Variants in SLAMF9 observed in about 807,000 individuals in gnomAD.
SLAMF9 encodes the protein SLAM family member 9.
A neutral mutation model predicts 30.4 loss-of-function variants in SLAMF9; 25 were observed. That is an observed-to-expected ratio of 0.82 (90% CI 0.60 to 1.15). The LOEUF (loss-of-function observed/expected upper bound fraction) is 1.15, where lower values mean the gene tolerates loss of function less well. Among genes scored for constraint, SLAMF9 ranks in the 50% most tolerant of loss-of-function variants. The probability of loss-of-function intolerance (pLI) is 0.00; values close to 1 mark genes in which losing one functional copy is unlikely to be tolerated. For missense variants in SLAMF9, 344 were observed against 346.1 expected (o/e 0.99, Z 0.05); for synonymous variants, 129 against 127.2 (o/e 1.01, Z -0.09).
the SLAMF9 span, among the ~76,000 whole-genome samples, chr1:159,982,205 A>C: frequency 1.3e-5 from 2 of 152,188 alleles, no homozygotes; most frequent in Non-Finnish European, 2.9e-5. Context: ...GTTTACTTAC[A>C]AGATAAATTA....
the SLAMF9 span, among the ~76,000 whole-genome samples, chr1:159,981,274 C>A: frequency 6.6e-6 from 1 of 152,140 alleles, no homozygotes; most frequent in African/African-American, 2.4e-5. Context: ...CAGCCATCTA[C>A]AAGCCAAGGA....
the SLAMF9 span, chr1:159,965,778 C>T: frequency 2.0e-4 from 30 of 152,304 alleles, no homozygotes; most frequent in Non-Finnish European, 4.1e-4. Context: ...GGGCTATTCA[C>T]CTTCCTTAGT....
At position 159,952,539 on chromosome 1, in the gene SLAMF9, A is replaced by G. The variant is rs1651793263; in HGVS notation, c.392-5T>C. ...TCTGGGGCTCTGACAGCCATCCTGG[A>G]TGAAGGGGAAACACAAAGACCCTCT... On this transcript the variant is annotated splice_region_variant and splice_polypyrimidine_tract_variant and intron_variant, in intron 2 of 3. Transcript: ENST00000368093. 4.3e-6 allele frequency: 7 copies of G among 1,612,996 alleles called. No individual in the cohort carries two copies. The highest frequency in any genetic ancestry group is 4.2e-6 in the Non-Finnish European group (5 of 1,179,550).
Position 159,952,519 on chromosome 1 carries a change from G to A in SLAMF9, c.407C>T (p.Pro136Leu). 6.2e-7 allele frequency: 1 copy of A among 1,613,694 alleles called. No individual in the cohort carries two copies. Among genetic ancestry groups the A allele is most frequent in the Non-Finnish European group, 8.5e-7 (1 of 1,179,816 alleles). The change falls in exon 3 of 4, where the codon CCC becomes CTC. Residue 136 changes from proline to leucine, a missense_variant. Pro to Leu is a moderately conservative substitution (Grantham distance 98, BLOSUM62 -3). Coordinates refer to ENST00000368093, the MANE Select transcript of SLAMF9 (RefSeq NM_033438.4). ...ACTCTCAAAGTTCACAGTGATCTGG[G>A]GCTCTGACAGCCATCCTGGATGAAG... Reference protein sequence around the residue: ...NICVYRWLSEPQITVNFESSG... With the variant: ...NICVYRWLSELQITVNFESSG...
chr1:159,976,281 T>A, the SLAMF9 span, among the ~76,000 whole-genome samples: 4 of 152,082 alleles, frequency 2.6e-5, no homozygotes, highest in Admixed American at 1.3e-4. Flanking sequence ...AATGTAGCCA[T>A]GAGAAAGAAC....
chr1:159,978,521 G>A, the SLAMF9 span: 17 of 152,206 alleles, frequency 1.1e-4, no homozygotes, highest in African/African-American at 4.1e-4. Flanking sequence ...GGAGACAGAT[G>A]AGCATGCATA....
At chr1:159,965,709 A>T in the SLAMF9 span, 24 of 152,192 alleles carry the variant, frequency 1.6e-4, no homozygotes, top group African/African-American at 5.5e-4. Context: ...TCTTTGATCC[A>T]CTATGTATTG....
At chr1:159,974,204 T>C in the SLAMF9 span, 2 of 643,796 alleles carry the variant, frequency 3.1e-6, no homozygotes, top group Non-Finnish European at 5.5e-6. Flanking sequence ...TCTCCAGTCC[T>C]TCATGCTGAC....
intron 2 of SLAMF9, among the ~76,000 whole-genome samples, chr1:159,952,765 C>T (rs1049900973): frequency 2.0e-5 from 3 of 152,208 alleles, no homozygotes; most frequent in Non-Finnish European, 4.4e-5. Flanking sequence ...CTCCCCTTTA[C>T]GTATTCTCTC....
upstream of SLAMF9, among the ~76,000 whole-genome samples, chr1:159,958,405 T>C (rs1482595250): frequency 1.3e-5 from 2 of 151,938 alleles, no homozygotes; most frequent in South Asian, 4.1e-4. Flanking sequence ...GAGTCCAGTG[T>C]GGAGAAAGTC....
chr1:159,974,555 C>T, the SLAMF9 span, among the ~76,000 whole-genome samples: 449 of 152,288 alleles, frequency 2.9e-3, 5 homozygotes, highest in African/African-American at 0.01. Flanking sequence ...TGATCTGGCT[C>T]GCTCCTACCT....
At position 159,953,996 on chromosome 1, in the gene SLAMF9, A is replaced by T. The variant is rs1023740972; in HGVS notation, c.46+96T>A. On this transcript the variant is annotated intron_variant, in intron 1 of 3. Coordinates refer to ENST00000368093, the MANE Select transcript of SLAMF9 (RefSeq NM_033438.4). ...AACTCCAGAAGAGCTGACACATTCA[A>T]CCCCTAAGAAAGGGTCTTACTGGCC... 4.1e-6 allele frequency: 6 copies of T among 1,467,306 alleles called. No homozygotes were observed. The African/African-American group carries it at 5.6e-5, about 14-fold the overall frequency. The allele number at this position is 1,467,306 out of a possible 1,614,324, so 90.9% of individuals were successfully genotyped here. A position where few individuals can be genotyped will look rare whatever the true frequency, so the allele number is the denominator to read the frequency against.
At position 159,952,342 on chromosome 1, in the gene SLAMF9, G is replaced by C; in HGVS notation, c.584C>G (p.Ala195Gly). 6.2e-7 allele frequency: 1 copy of C among 1,614,112 alleles called. No individual in the cohort carries two copies. The highest frequency in any genetic ancestry group is 8.5e-7 in the Non-Finnish European group (1 of 1,180,004). Residue 195 changes from alanine (A) to glycine (G), a missense_variant, in exon 3 of 4, where the codon GCC (alanine) becomes GGC (glycine). Physicochemically the swap from Ala to Gly is moderately conservative, Grantham distance 60. Transcript: ENST00000368093. Reference sequence around the variant, plus strand: ...GTTGGCTCTGCAGGTGTAGGAGAGGGCACTGTCCCCCGGCCTCCAGGATGT... The same window carrying C: ...GTTGGCTCTGCAGGTGTAGGAGAGGCCACTGTCCCCCGGCCTCCAGGATGT... ...LSTSWRPGDS[A>G]LSYTCRANNP...
chr1:159,974,543 C>T, the SLAMF9 span, among the ~76,000 whole-genome samples: 186 of 152,294 alleles, frequency 1.2e-3, no homozygotes, highest in African/African-American at 2.8e-3. Context: ...ATTGAAGGAG[C>T]CTGATCTGGC....
chr1:159,971,125 A>G, the SLAMF9 span, among the ~76,000 whole-genome samples: 3 of 152,186 alleles, frequency 2.0e-5, no homozygotes, highest in Non-Finnish European at 2.9e-5. Flanking sequence ...TCAGGCTGAC[A>G]CCTTTGTTCT....
At chr1:159,972,231 C>T in the SLAMF9 span, among the ~76,000 whole-genome samples, 41 of 152,232 alleles carry the variant, frequency 2.7e-4, no homozygotes, top group Non-Finnish European at 2.6e-4. Context: ...CCCTCACCCA[C>T]ACCCTACAGC....
chr1:159,974,650 C>T, the SLAMF9 span, among the ~76,000 whole-genome samples: 1 of 152,190 alleles, frequency 6.6e-6, no homozygotes, highest in Admixed American at 6.5e-5. Flanking sequence ...AGTTTCCACC[C>T]CAGCCATGCA....
chr1:159,973,402 T>C, the SLAMF9 span: 1 of 503,654 alleles, frequency 2.0e-6, no homozygotes, highest in Middle Eastern at 4.8e-4. Context: ...GGGAGGCAGT[T>C]TCATCACCAA....
chr1:159,971,401 C>A, the SLAMF9 span, among the ~76,000 whole-genome samples: 2 of 152,120 alleles, frequency 1.3e-5, no homozygotes, highest in African/African-American at 4.8e-5. Context: ...ACAAACCAAC[C>A]AATCAAACTG....
Sources: gnomAD v4.1 joint callset for allele counts (sites outside exome capture counted in the v4.1 genomes callset) on GRCh38, gnomAD v4.1.1 for gene constraint, MANE v1.5 for transcripts, NCBI Gene and HGNC (gene_info 2026-07-23, HGNC 2026-07-21) for gene names.